The following ATP9B variants were observed in gnomAD, a reference collection of about 807,000 sequenced individuals.
ATP9B encodes ATPase phospholipid transporting 9B, also known as probable phospholipid-transporting ATPase IIB.
A neutral mutation model predicts 146.1 loss-of-function variants in ATP9B; 110 were observed. The ratio of observed to expected loss-of-function variants is 0.75; its 90% CI spans 0.65 to 0.88. The LOEUF is 0.88. Ranked by LOEUF, ATP9B falls within the 40% of genes least tolerant of loss-of-function variation. The pLI, the probability that ATP9B is intolerant of heterozygous loss-of-function variation, is 0.00. For synonymous variants in ATP9B, 604 were observed against 569.7 expected (o/e 1.06, Z -0.86); for missense variants, 1,499 against 1,496.4 (o/e 1.00, Z -0.03).
At chr18:79,159,048 A>G (rs978118932) in intron 7 of ATP9B, among the ~76,000 whole-genome samples, 3 of 152,096 alleles carry the variant, frequency 2.0e-5, no homozygotes, top group African/African-American at 4.8e-5. Flanking sequence ...CCCTTTTATC[A>G]TTATAAACTG....
chr18:79,375,582 G>T, intron 29 of ATP9B, 156 bp downstream of exon 29: 1 of 985,210 alleles, frequency 1.0e-6, no homozygotes, highest in Non-Finnish European at 1.2e-6. Flanking sequence ...GTGCTTGCTC[G>T]GCTAGTCATG....
intron 1 of ATP9B, 73 bp from the exon 2 acceptor site, chr18:79,096,403 T>A (rs1315397576): frequency 7.4e-7 from 1 of 1,356,714 alleles, no homozygotes; most frequent in African/African-American, 1.5e-5. Flanking sequence ...TGAGGAAATA[T>A]TGTCCCTAAA....
chr18:79,315,498 A>G (rs1033039322), intron 15 of ATP9B, among the ~76,000 whole-genome samples: 2 of 152,248 alleles, frequency 1.3e-5, no homozygotes, highest in African/African-American at 4.8e-5. Context: ...ATCAAAAATG[A>G]TGAAATCTCA....
At chr18:79,256,266 T>C (rs1465031670) in intron 12 of ATP9B, among the ~76,000 whole-genome samples, 2 of 129,236 alleles carry the variant, frequency 1.5e-5, no homozygotes, top group African/African-American at 6.0e-5. Flanking sequence ...GCTATATATA[T>C]ATATATATAT....
intron 16 of ATP9B, 117 bp downstream of exon 16, chr18:79,329,419 C>A: frequency 7.9e-6 from 9 of 1,139,676 alleles, no homozygotes; most frequent in Non-Finnish European, 1.1e-5. Flanking sequence ...TATGCTGTTA[C>A]AGTTTTGTTT....
intron 13 of ATP9B, among the ~76,000 whole-genome samples, chr18:79,284,282 T>A (rs1483916212): frequency 1.3e-5 from 2 of 152,158 alleles, no homozygotes; most frequent in Non-Finnish European, 2.9e-5. Context: ...CAAATATGAG[T>A]AGCCTTACTG....
At chr18:79,262,059 T>C (rs916916292) in intron 12 of ATP9B, among the ~76,000 whole-genome samples, 4 of 152,108 alleles carry the variant, frequency 2.6e-5, no homozygotes, top group African/African-American at 7.2e-5. Context: ...GAATGGCGTG[T>C]ACCCTCGGGG....
At chr18:79,368,802 G>A (rs2097050896) in intron 26 of ATP9B, among the ~76,000 whole-genome samples, 1 of 151,890 alleles carries the variant, frequency 6.6e-6, no homozygotes. Flanking sequence ...CCTACCACCA[G>A]CATACTCCGT....
chr18:79,103,092 C>T (rs1253245682), intron 2 of ATP9B, among the ~76,000 whole-genome samples: 1 of 152,138 alleles, frequency 6.6e-6, no homozygotes, highest in Non-Finnish European at 1.5e-5. Flanking sequence ...CCGTTATGGT[C>T]TGTGTGCCTT....
At chr18:79,141,178 C>T (rs541354632) in intron 5 of ATP9B, among the ~76,000 whole-genome samples, 4 of 152,228 alleles carry the variant, frequency 2.6e-5, no homozygotes, top group South Asian at 2.1e-4. Flanking sequence ...TGAGTTCTCA[C>T]GAGATCTGAT....
At chr18:79,310,240 G>A (rs558468044) in intron 15 of ATP9B, among the ~76,000 whole-genome samples, 13 of 152,354 alleles carry the variant, frequency 8.5e-5, no homozygotes, top group Admixed American at 7.8e-4. Flanking sequence ...GAGCTGGCGT[G>A]TGTGCGCCTC....
chr18:79,101,261 T>G (rs557654190), intron 2 of ATP9B, among the ~76,000 whole-genome samples: 1 of 152,298 alleles, frequency 6.6e-6, no homozygotes, highest in Admixed American at 6.5e-5. Context: ...TCATCAGTTC[T>G]GCATCTCGTT....
At chr18:79,245,603 G>A (rs67546219) in intron 11 of ATP9B, among the ~76,000 whole-genome samples, 51,839 of 96,278 alleles carry the variant, frequency 0.54, 10,996 homozygotes, top group African/African-American at 0.64. Flanking sequence ...ATGACTGTGC[G>A]GAGGGTACCA....
intron 13 of ATP9B, among the ~76,000 whole-genome samples, chr18:79,291,564 C>T (rs2096503513): frequency 6.6e-6 from 1 of 152,176 alleles, no homozygotes; most frequent in Non-Finnish European, 1.5e-5. Flanking sequence ...GAAGAAAGTA[C>T]GTGTGCCACT....
At chr18:79,292,297 C>T (rs1336973404) in intron 13 of ATP9B, among the ~76,000 whole-genome samples, 2 of 152,038 alleles carry the variant, frequency 1.3e-5, no homozygotes, top group East Asian at 1.9e-4. Flanking sequence ...TGGTCATGTC[C>T]GTAGGAAATC....
intron 2 of ATP9B, among the ~76,000 whole-genome samples, chr18:79,109,029 C>A (rs2075833322): frequency 6.6e-6 from 1 of 152,220 alleles, no homozygotes; most frequent in African/African-American, 2.4e-5. Context: ...AGATGGAGCT[C>A]TGATGTGTCA....
At position 79,330,040 on chromosome 18, in the gene ATP9B, A is replaced by G; in HGVS notation, c.1964A>G (p.Tyr655Cys). The change falls in exon 17 of 30, where the codon TAC becomes TGC. Residue 655 changes from tyrosine (Y) to cysteine (C), a missense_variant. By Grantham distance (194) the Tyr-to-Cys change is radical. Transcript: ENST00000426216. The stretch of plus-strand genomic sequence containing the variant: ...GAATCCACGGCAGAAATCACATTCT[A>G]CATGAAGGGCGCTGACGTGGCCATG... ...RDESTAEITF[Y>C]MKGADVAMSP... 1 of 1,614,204 alleles carries G rather than the reference A, an allele frequency of 6.2e-7. No homozygotes were observed.
At chr18:79,338,215 C>G (rs570501205) in intron 19 of ATP9B, among the ~76,000 whole-genome samples, 5 of 152,316 alleles carry the variant, frequency 3.3e-5, no homozygotes, top group Admixed American at 1.3e-4. Flanking sequence ...AAAAGGACAC[C>G]CAGTGGAAGC....
intron 11 of ATP9B, among the ~76,000 whole-genome samples, chr18:79,238,196 G>T (rs1396678248): frequency 6.6e-6 from 1 of 151,056 alleles, no homozygotes; most frequent in Non-Finnish European, 1.5e-5. Flanking sequence ...ATCAGATGTT[G>T]AGTACTGTCA....
Sources: gnomAD v4.1 joint callset for allele counts (sites outside exome capture counted in the v4.1 genomes callset) on GRCh38, gnomAD v4.1.1 for gene constraint, MANE v1.5 for transcripts, NCBI Gene and HGNC (gene_info 2026-07-23, HGNC 2026-07-21) for gene names.